The following OSBPL1A variants were observed in gnomAD, a reference collection of about 807,000 sequenced individuals.
OSBPL1A encodes the protein oxysterol-binding protein-related protein 1.
A neutral mutation model predicts 137.1 loss-of-function variants in OSBPL1A; 80 were observed. The ratio of observed to expected loss-of-function variants is 0.58; its 90% CI spans 0.49 to 0.70. The LOEUF (loss-of-function observed/expected upper bound fraction) is 0.70. Among genes scored for constraint, OSBPL1A ranks in the 30% least tolerant of loss-of-function variants. The pLI, the probability that OSBPL1A is intolerant of heterozygous loss-of-function variation, is 0.00. For synonymous variants in OSBPL1A, 365 were observed against 389.7 expected (o/e 0.94, Z 0.75); for missense variants, 970 against 1,129.4 (o/e 0.86, Z 2.02).
At chr18:24,394,801 C>T (rs770797040) in intron 1 of OSBPL1A, among the ~76,000 whole-genome samples, 23 of 144,056 alleles carry the variant, frequency 1.6e-4, no homozygotes, top group Admixed American at 1.1e-3. Context: ...TCACATGATA[C>T]GAAATTGTAC....
At chr18:24,364,924 G>A (rs924675869) in intron 4 of OSBPL1A, 1 of 149,056 alleles carries the variant, frequency 6.7e-6, no homozygotes, top group Non-Finnish European at 1.5e-5. Flanking sequence ...GAGAGGGGAA[G>A]ATCACCTGAG....
At chr18:24,391,167 A>G (rs761782673) in intron 1 of OSBPL1A, among the ~76,000 whole-genome samples, 3 of 152,230 alleles carry the variant, frequency 2.0e-5, no homozygotes, top group Admixed American at 1.3e-4. Flanking sequence ...ACATCATGCT[A>G]AGTGAAATAA....
intron 7 of OSBPL1A, among the ~76,000 whole-genome samples, chr18:24,326,178 GTA>G (rs1249767237): frequency 1.3e-5 from 2 of 152,174 alleles, no homozygotes; most frequent in African/African-American, 4.8e-5. Context: ...TCCACATGAA[GTA>G]CTTTCCATAA....
At chr18:24,357,304 C>T (rs2091553838) in intron 4 of OSBPL1A, 1 of 152,092 alleles carries the variant, frequency 6.6e-6, no homozygotes, top group African/African-American at 2.4e-5. Context: ...TTGTCTGGCT[C>T]CATGAATCTG....
At position 24,271,529 on chromosome 18, in the gene OSBPL1A, A is replaced by C; in HGVS notation, c.1281+9313T>G. 1 of 980,962 alleles carries C rather than the reference A, an allele frequency of 1.0e-6. No homozygotes were observed. Among genetic ancestry groups the C allele is most frequent in the Non-Finnish European group, 1.2e-6 (1 of 825,862 alleles). The allele number at this position is 980,962 out of a possible 1,614,324, so 60.8% of individuals were successfully genotyped here. A position where few individuals can be genotyped will look rare whatever the true frequency, so the allele number is the denominator to read the frequency against. On this transcript the variant is annotated intron_variant, in intron 15 of 27. Coordinates refer to ENST00000319481, the MANE Select transcript of OSBPL1A (RefSeq NM_080597.4). The surrounding 1 kb of genome is among the most constrained non-coding windows in gnomAD (Gnocchi z 4.0). ...TTGGATCTACTCACATCCCTGGATC[A>C]AGTCTGGCCGCCCTCCCCGCTCCGT...
At chr18:24,313,421 G>GAA (rs67320005) in intron 12 of OSBPL1A, among the ~76,000 whole-genome samples, 5 of 138,068 alleles carry the variant, frequency 3.6e-5, no homozygotes, top group Admixed American at 7.3e-5. Context: ...AGCCTGGGCG[G>GAA]AAAAAAAAAA....
chr18:24,181,010 A>G, intron 19 of OSBPL1A, 135 bp downstream of exon 19: 1 of 1,037,894 alleles, frequency 9.6e-7, no homozygotes, highest in Non-Finnish European at 1.4e-6. Flanking sequence ...CAGTCCAGAC[A>G]TGCGGACTGA....
rs537508033 is a variant in OSBPL1A, at chr18:24,292,908, C to T, written c.1174+10729G>A. On this transcript the variant is annotated intron_variant, in intron 14 of 27. Coordinates refer to ENST00000319481, the MANE Select transcript of OSBPL1A (RefSeq NM_080597.4). ...ATCACTTGAGGTCAGGAGTTCAAGG[C>T]CAGCCTGCCCAAAAGGGAGAAACTC... Among the ~76,000 whole-genome samples, 251 of 151,900 alleles carry T rather than the reference C, an allele frequency of 1.7e-3. 2 individuals carry two copies. The Middle Eastern group carries it at 0.02, about 12-fold the overall frequency.
intron 14 of OSBPL1A, among the ~76,000 whole-genome samples, chr18:24,284,388 A>AT: frequency 6.6e-6 from 1 of 152,122 alleles, no homozygotes; most frequent in Non-Finnish European, 1.5e-5. Flanking sequence ...GATGCTGTTG[A>AT]TTTTCAGGAA....
intron 13 of OSBPL1A, among the ~76,000 whole-genome samples, chr18:24,307,842 T>C (rs1345514379): frequency 1.3e-5 from 2 of 152,160 alleles, no homozygotes; most frequent in Non-Finnish European, 2.9e-5. Context: ...CAGGCTGGAG[T>C]GCAGTGGTGC....
chr18:24,296,805 T>C (rs1211915379), intron 14 of OSBPL1A, among the ~76,000 whole-genome samples: 4 of 152,226 alleles, frequency 2.6e-5, no homozygotes, highest in Non-Finnish European at 5.9e-5. Flanking sequence ...ATCATATTTA[T>C]TGACTTGCAT....
chr18:24,250,931 G>C (rs2089069135), intron 15 of OSBPL1A, among the ~76,000 whole-genome samples: 1 of 152,176 alleles, frequency 6.6e-6, no homozygotes, highest in African/African-American at 2.4e-5. Context: ...TGATGAAAGA[G>C]CCCTTGGGCT....
chr18:24,164,505 T>C (rs1489711674), intron 27 of OSBPL1A, among the ~76,000 whole-genome samples: 1 of 134,798 alleles, frequency 7.4e-6, no homozygotes, highest in African/African-American at 2.9e-5. Flanking sequence ...CTCAGCTCAC[T>C]GCAAGCTCTG....
intron 15 of OSBPL1A, among the ~76,000 whole-genome samples, chr18:24,268,047 C>T (rs1224298473): frequency 2.0e-5 from 3 of 152,140 alleles, no homozygotes; most frequent in Admixed American, 6.5e-5. Context: ...TGTTTCCTCA[C>T]CTCCCTCACA....
intron 6 of OSBPL1A, among the ~76,000 whole-genome samples, chr18:24,333,489 G>A (rs985721659): frequency 3.3e-5 from 5 of 152,190 alleles, no homozygotes; most frequent in African/African-American, 9.7e-5. Context: ...ATGTGTAAAT[G>A]TCAAGGTTCT....
In OSBPL1A at chr18:24,162,189, G is replaced by A. The variant is rs1292135918; in HGVS notation, c.*990C>T. 1.3e-5 allele frequency: 2 copies of A among 152,262 alleles called. No individual in the cohort carries two copies. Among genetic ancestry groups the A allele is most frequent in the East Asian group, 1.9e-4 (1 of 5,184 alleles). 9.4% of individuals were successfully genotyped at this position (152,262 alleles called of 1,614,324 possible). A position where few individuals can be genotyped will look rare whatever the true frequency, so the allele number is the denominator to read the frequency against. On this transcript the variant is annotated 3_prime_UTR_variant, in exon 28 of 28. Coordinates refer to ENST00000319481, the MANE Select transcript of OSBPL1A (RefSeq NM_080597.4). ...CAGTATCTCAGTCTGGGGTTTGGGT[G>A]GATAAATACTATAAGATTTAAGATG... is the stretch of plus-strand genomic sequence containing the variant.
chr18:24,308,330 G>A (rs533380338), intron 13 of OSBPL1A, among the ~76,000 whole-genome samples: 112 of 151,314 alleles, frequency 7.4e-4, no homozygotes, highest in Non-Finnish European at 1.3e-3. Context: ...TGCCCAGACT[G>A]GAGTGCAGTG....
chr18:24,359,043 C>G (rs1197962001), intron 4 of OSBPL1A, among the ~76,000 whole-genome samples: 2 of 152,092 alleles, frequency 1.3e-5, no homozygotes, highest in African/African-American at 4.8e-5. Context: ...ATGGCAAAAC[C>G]CTGTCCCTAC....
intron 24 of OSBPL1A, among the ~76,000 whole-genome samples, chr18:24,168,353 A>G (rs1420704234): frequency 2.0e-5 from 3 of 152,178 alleles, no homozygotes; most frequent in Admixed American, 1.3e-4. Flanking sequence ...AGAACAACAA[A>G]AGGTTACATT....
Sources: gnomAD v4.1 joint callset for allele counts (sites outside exome capture counted in the v4.1 genomes callset) on GRCh38, gnomAD v4.1.1 for gene constraint, Gnocchi (gnomAD v3.1) non-coding constraint, MANE v1.5 for transcripts, NCBI Gene and HGNC (gene_info 2026-07-23, HGNC 2026-07-21) for gene names.